FNDC3A: variants seen among roughly 807,000 people sequenced by gnomAD.
FNDC3A encodes the protein fibronectin type-III domain-containing protein 3A.
A neutral mutation model predicts 148.9 loss-of-function variants in FNDC3A; 32 were observed. That is an observed-to-expected ratio of 0.21 (90% CI 0.16 to 0.29). FNDC3A has a LOEUF of 0.29. Among genes scored for constraint, FNDC3A ranks in the 10% least tolerant of loss-of-function variants. The pLI, the probability that FNDC3A is intolerant of heterozygous loss-of-function variation, is 1.00. For synonymous variants in FNDC3A, 472 were observed against 473.6 expected (o/e 1.00, Z 0.04); for missense variants, 1,191 against 1,452.8 (o/e 0.82, Z 2.93).
At chr13:49,109,994 T>TA (rs1304438510) in intron 3 of FNDC3A, among the ~76,000 whole-genome samples, 8 of 152,090 alleles carry the variant, frequency 5.3e-5, no homozygotes, top group Admixed American at 5.2e-4. Flanking sequence ...GCTGCATGAG[T>TA]AAAAAATTAG....
At chr13:49,105,326 A>G (rs1409345020) in intron 3 of FNDC3A, among the ~76,000 whole-genome samples, 1 of 152,154 alleles carries the variant, frequency 6.6e-6, no homozygotes, top group Non-Finnish European at 1.5e-5. Context: ...AAGACACAGC[A>G]TTTCCTCTCT....
chr13:49,209,376 T>G lies in FNDC3A; in HGVS notation c.*1981T>G, dbSNP rs1489738103. 6.6e-6 allele frequency: 1 copy of G among 152,570 alleles called. No individual in the cohort carries two copies. The highest frequency in any genetic ancestry group is 6.6e-5 in the Admixed American group (1 of 15,266). The allele number at this position is 152,570 out of a possible 1,614,324, so 9.5% of individuals were successfully genotyped here. A position where few individuals can be genotyped will look rare whatever the true frequency, so the allele number is the denominator to read the frequency against. ...AAAATTAGTGCAGAGGAGAAAACAA[T>G]TTTTAATGTAATCTTGATTTTACCT... is the stretch of plus-strand genomic sequence containing the variant. On this transcript the variant is annotated 3_prime_UTR_variant, in exon 26 of 26. Coordinates refer to ENST00000492622, the MANE Select transcript of FNDC3A (RefSeq NM_001079673.2).
At chr13:49,166,539 T>C (rs1049645536) in intron 8 of FNDC3A, among the ~76,000 whole-genome samples, 1 of 152,156 alleles carries the variant, frequency 6.6e-6, no homozygotes, top group Non-Finnish European at 1.5e-5. Context: ...ACTCCCTCTC[T>C]TGAGCAATGT....
chr13:49,047,984 A>G (rs986435661), intron 2 of FNDC3A, among the ~76,000 whole-genome samples: 1 of 152,172 alleles, frequency 6.6e-6, no homozygotes, highest in Non-Finnish European at 1.5e-5. Flanking sequence ...AAAGTGAGAG[A>G]TGAGGATCCA....
chr13:49,095,210 A>G (rs1244241263), intron 3 of FNDC3A, among the ~76,000 whole-genome samples: 1 of 152,032 alleles, frequency 6.6e-6, no homozygotes, highest in Non-Finnish European at 1.5e-5. Context: ...TTTGGTGCAG[A>G]TAAGTGGATT....
At position 49,163,292 on chromosome 13, in the gene FNDC3A, T is replaced by C. The variant is rs1042107166; in HGVS notation, c.978-3952T>C. Among the ~76,000 whole-genome samples the C allele has an allele frequency of 2.0e-5, 3 of 152,178 alleles. No individual in the cohort carries two copies. In the South Asian group the frequency reaches 6.2e-4, roughly 32 times the overall value. On this transcript the variant is annotated intron_variant, in intron 8 of 25. Transcript: ENST00000492622. ...TTGAGCTGCAGTGGGCTCCACCCAG[T>C]TTGAGCTTTCCGGCTGCTTTGTTTA... is the stretch of plus-strand genomic sequence containing the variant.
At chr13:49,067,813 A>G (rs1877366718) in intron 2 of FNDC3A, among the ~76,000 whole-genome samples, 1 of 152,136 alleles carries the variant, frequency 6.6e-6, no homozygotes, top group Non-Finnish European at 1.5e-5. Flanking sequence ...TTTGAATCCT[A>G]TCTATGACAC....
intron 13 of FNDC3A, among the ~76,000 whole-genome samples, chr13:49,176,046 G>A (rs1593708937): frequency 6.6e-6 from 1 of 152,168 alleles, no homozygotes; most frequent in African/African-American, 2.4e-5. Flanking sequence ...TAGGGATGAA[G>A]CCAACTTGAT....
intron 25 of FNDC3A, among the ~76,000 whole-genome samples, chr13:49,203,994 GAC>G (rs1886535224): frequency 6.6e-6 from 1 of 152,198 alleles, no homozygotes; most frequent in South Asian, 2.1e-4. Context: ...CACGTGATCA[GAC>G]ACAACGTTGT....
chr13:49,057,296 A>G lies in FNDC3A; in HGVS notation c.100-17993A>G, dbSNP rs546986178. Reference sequence around the variant, plus strand: ...AGGGTTCTAATTATTCTTTTACTAAATGCGTAGTCTTTAGGGGAGCTGGAT... The same window carrying G: ...AGGGTTCTAATTATTCTTTTACTAAGTGCGTAGTCTTTAGGGGAGCTGGAT... On this transcript the variant is annotated intron_variant, in intron 2 of 25. Coordinates refer to ENST00000492622, the MANE Select transcript of FNDC3A (RefSeq NM_001079673.2). 2.2e-4 allele frequency among the ~76,000 whole-genome samples: 34 copies of G among 152,298 alleles called. No individual in the cohort carries two copies. The South Asian group carries it at 6.8e-3, about 31-fold the overall frequency.
At chr13:49,084,889 C>T (rs1878703098) in intron 3 of FNDC3A, among the ~76,000 whole-genome samples, 1 of 152,034 alleles carries the variant, frequency 6.6e-6, no homozygotes, top group African/African-American at 2.4e-5. Flanking sequence ...CTTCTACTGT[C>T]CCCTCATTAA....
At chr13:49,175,613 G>A (rs1020835550) in intron 13 of FNDC3A, 72 bp downstream of exon 13, 20 of 997,026 alleles carry the variant, frequency 2.0e-5, no homozygotes, top group South Asian at 5.0e-5. Context: ...GGGCTGAGAC[G>A]ATGGCATTTT....
At chr13:48,995,606 T>G (rs556075687) in intron 1 of FNDC3A, among the ~76,000 whole-genome samples, 1 of 152,310 alleles carries the variant, frequency 6.6e-6, no homozygotes, top group African/African-American at 2.4e-5. Context: ...ATAACAAGAT[T>G]GCTTATTATG....
intron 25 of FNDC3A, among the ~76,000 whole-genome samples, chr13:49,204,333 T>G (rs751329062): frequency 2.9e-4 from 44 of 152,240 alleles, no homozygotes; most frequent in Non-Finnish European, 4.6e-4. Context: ...CCCTTTTTCC[T>G]GTAACCTTAA....
At chr13:49,202,879 G>A (rs1004689282) in intron 24 of FNDC3A, among the ~76,000 whole-genome samples, 18 of 152,170 alleles carry the variant, frequency 1.2e-4, no homozygotes, top group African/African-American at 4.3e-4. Context: ...GGCAGCATAT[G>A]CCTGTGTGTG....
At chr13:49,197,069 C>A in intron 20 of FNDC3A, 79 bp downstream of exon 20, 1 of 816,940 alleles carries the variant, frequency 1.2e-6, no homozygotes, top group South Asian at 1.8e-5. Context: ...AGATACTGTT[C>A]ATTTTTACCG....
At chr13:49,196,288 G>C (rs1396163859) in intron 19 of FNDC3A, among the ~76,000 whole-genome samples, 2 of 152,004 alleles carry the variant, frequency 1.3e-5, no homozygotes, top group Non-Finnish European at 2.9e-5. Context: ...TTCTGTAATT[G>C]TTCTCCTATG....
intron 2 of FNDC3A, among the ~76,000 whole-genome samples, chr13:49,071,965 C>G (rs1439403173): frequency 3.3e-5 from 5 of 152,150 alleles, no homozygotes; most frequent in Non-Finnish European, 7.4e-5. Context: ...GTGTGAGCTA[C>G]CATGTCCAGC....
intron 1 of FNDC3A, among the ~76,000 whole-genome samples, chr13:48,979,476 A>G (rs1318194859): frequency 6.6e-6 from 1 of 152,088 alleles, no homozygotes; most frequent in Non-Finnish European, 1.5e-5. Context: ...GCAGAGTTGG[A>G]AGTAGTAGTA....
Sources: gnomAD v4.1 joint callset for allele counts (sites outside exome capture counted in the v4.1 genomes callset) on GRCh38, gnomAD v4.1.1 for gene constraint, MANE v1.5 for transcripts, NCBI Gene and HGNC (gene_info 2026-07-23, HGNC 2026-07-21) for gene names.